SLC30A9: variants seen among roughly 807,000 people sequenced by gnomAD.
SLC30A9 encodes proton-coupled zinc antiporter SLC30A9, mitochondrial.
SLC30A9 carries 58 observed loss-of-function variants against 87.5 expected under a neutral mutation model. The observed-to-expected ratio is 0.66, with a 90% confidence interval of 0.54 to 0.82. The LOEUF is 0.82. Among genes scored for constraint, SLC30A9 ranks in the 40% least tolerant of loss-of-function variants. The pLI is 0.00. For missense variants in SLC30A9, 557 were observed against 679.1 expected (o/e 0.82, Z 2.00); for synonymous variants, 234 against 233.0 (o/e 1.00, Z -0.04).
Position 42,090,265 on chromosome 4 carries a change from A to G in SLC30A9, c.*4139A>G, listed in dbSNP as rs557004044. 7 of 152,368 alleles carry G rather than the reference A, an allele frequency of 4.6e-5. No individual in the cohort carries two copies. The South Asian group carries it at 1.4e-3, about 32-fold the overall frequency. 9.4% of individuals were successfully genotyped at this position (152,368 alleles called of 1,614,324 possible). On this transcript the variant is annotated 3_prime_UTR_variant, in exon 18 of 18. Coordinates refer to ENST00000264451, the MANE Select transcript of SLC30A9 (RefSeq NM_006345.4). ...TGAAATGGAACTTTGGAAGCCATTT[A>G]TATAGATTAGTCTGACAGCCTTTAT... is the stretch of plus-strand genomic sequence containing the variant.
At chr4:42,027,556 A>G (rs1223991464) in intron 6 of SLC30A9, among the ~76,000 whole-genome samples, 1 of 151,904 alleles carries the variant, frequency 6.6e-6, no homozygotes, top group East Asian at 1.9e-4. Flanking sequence ...TTGAGCATGG[A>G]TTATTTTTTA....
chr4:42,083,198 C>G (rs958318719), intron 17 of SLC30A9, among the ~76,000 whole-genome samples: 1 of 152,104 alleles, frequency 6.6e-6, no homozygotes. Context: ...TCTCCAGTTT[C>G]TCTTAAAGCA....
intron 6 of SLC30A9, chr4:42,029,995 T>C: frequency 1.1e-6 from 1 of 899,592 alleles, no homozygotes; most frequent in Non-Finnish European, 1.8e-6. Flanking sequence ...CTGCTTGTTG[T>C]ACAGTTCACC....
intron 4 of SLC30A9, chr4:42,020,869 G>GT (rs1052062615): frequency 1.8e-4 from 29 of 165,028 alleles, no homozygotes; most frequent in African/African-American, 6.9e-4. Context: ...GACTGTTTTG[G>GT]TTTTTTGGCC....
At chr4:42,050,862 C>T (rs899042919) in intron 9 of SLC30A9, among the ~76,000 whole-genome samples, 1 of 152,122 alleles carries the variant, frequency 6.6e-6, no homozygotes, top group African/African-American at 2.4e-5. Context: ...AAATAACAGT[C>T]TCATTGAGTT....
chr4:42,037,268 T>C (rs1404431512), intron 7 of SLC30A9, among the ~76,000 whole-genome samples: 4 of 74,922 alleles, frequency 5.3e-5, no homozygotes, highest in African/African-American at 2.2e-4. Context: ...TTTTTTTTTT[T>C]TTTTTGTTAT....
chr4:42,054,130 G>A (rs10938171), intron 9 of SLC30A9, among the ~76,000 whole-genome samples: 91,530 of 151,972 alleles, frequency 0.6, 32,888 homozygotes, highest in East Asian at 0.94. Flanking sequence ...CGAGGTGGGC[G>A]GATCACTGGA....
chr4:42,068,083 T>G (rs891064221), intron 14 of SLC30A9, among the ~76,000 whole-genome samples: 2 of 152,214 alleles, frequency 1.3e-5, no homozygotes, highest in African/African-American at 4.8e-5. Flanking sequence ...ACTCACTGAT[T>G]CACCAAAAAT....
chr4:42,052,632 G>T (rs1717422658), intron 9 of SLC30A9, among the ~76,000 whole-genome samples: 1 of 152,258 alleles, frequency 6.6e-6, no homozygotes, highest in Admixed American at 6.5e-5. Context: ...AAGCAATTGA[G>T]TGAGGAAATG....
chr4:42,048,559 T>C (rs1717262760), intron 8 of SLC30A9, among the ~76,000 whole-genome samples: 1 of 149,990 alleles, frequency 6.7e-6, no homozygotes, highest in African/African-American at 2.4e-5. Context: ...TCATTACTGT[T>C]AGTATCTGAG....
rs149357892 is a variant in SLC30A9 at position 42,048,049 on chromosome 4, G to A, written c.738-1328G>A. The stretch of plus-strand genomic sequence containing the variant: ...CAATGAAAACACATGGACACAGAGA[G>A]GGGAATATCACACACTGGGGCCTAT... On this transcript the variant is annotated intron_variant, in intron 8 of 17. Transcript: ENST00000264451. 6.0e-3 allele frequency among the ~76,000 whole-genome samples: 913 copies of A among 152,110 alleles called. 10 individuals are homozygous for A. The highest frequency in any genetic ancestry group is 0.021 in the African/African-American group (883 of 41,478).
rs150654979 is a variant in SLC30A9, at chr4:42,001,644, C to T, written c.138C>T (p.Ser46=). The change falls in exon 2 of 18, where the codon AGC becomes AGT. Residue 46 remains serine (S), a synonymous_variant. Coordinates refer to ENST00000264451, the MANE Select transcript of SLC30A9 (RefSeq NM_006345.4). ...QEWQNLVTFG[S]FSNMVPCSHP... is the part of the protein sequence containing the mutation. The stretch of plus-strand genomic sequence containing the variant: ...GGCAGAATTTAGTGACATTTGGAAG[C>T]TTTTCAAACATGGTTCCCTGTAGTC... 482 of 1,596,604 alleles carry T rather than the reference C, an allele frequency of 3.0e-4. No homozygotes were observed. Among genetic ancestry groups the T allele is most frequent in the Non-Finnish European group, 3.4e-4 (401 of 1,169,088 alleles).
intron 3 of SLC30A9, 82 bp from the exon 4 acceptor site, chr4:42,020,334 C>A: frequency 3.2e-6 from 2 of 624,106 alleles, no homozygotes; most frequent in Non-Finnish European, 5.6e-6. Flanking sequence ...ATTAGTGAAG[C>A]CTCTTAAGTA....
intron 17 of SLC30A9, among the ~76,000 whole-genome samples, chr4:42,084,454 C>CT (rs1553919790): frequency 6.6e-6 from 1 of 151,438 alleles, no homozygotes; most frequent in Non-Finnish European, 1.5e-5. Context: ...GGTGCCCTTC[C>CT]TTTATTTTAT....
At chr4:42,009,980 A>G (rs866770712) in intron 2 of SLC30A9, among the ~76,000 whole-genome samples, 1 of 152,352 alleles carries the variant, frequency 6.6e-6, no homozygotes. Flanking sequence ...ATAGATAAAG[A>G]TACTTTAGAA....
chr4:41,997,260 C>G (rs894021144), intron 1 of SLC30A9, among the ~76,000 whole-genome samples: 3 of 151,772 alleles, frequency 2.0e-5, no homozygotes, highest in Non-Finnish European at 4.4e-5. Flanking sequence ...CACACTTTTG[C>G]TTGCTACATG....
At chr4:42,021,337 G>A (rs1194973774) in intron 4 of SLC30A9, among the ~76,000 whole-genome samples, 2 of 152,132 alleles carry the variant, frequency 1.3e-5, no homozygotes, top group African/African-American at 4.8e-5. Context: ...GGGAGAACTA[G>A]AATATATATC....
At chr4:42,060,435 T>C (rs1717799606) in intron 10 of SLC30A9, among the ~76,000 whole-genome samples, 189 bp downstream of exon 10, 3 of 152,124 alleles carry the variant, frequency 2.0e-5, no homozygotes, top group Non-Finnish European at 4.4e-5. Flanking sequence ...AATTTGAAAA[T>C]GGAGTTCAAG....
intron 1 of SLC30A9, among the ~76,000 whole-genome samples, chr4:41,993,365 A>T (rs908066263): frequency 1.2e-4 from 18 of 152,264 alleles, no homozygotes; most frequent in Admixed American, 1.0e-3. Flanking sequence ...GTGCTCAGTA[A>T]ACAGTGACTA....
Sources: allele counts gnomAD v4.1 joint callset (sites outside exome capture counted in the v4.1 genomes callset), GRCh38; gene constraint gnomAD v4.1.1; transcripts MANE v1.5; gene names NCBI Gene and HGNC (gene_info 2026-07-23, HGNC 2026-07-21).